The following PPP2R2B variants were observed in gnomAD, a reference collection of about 807,000 sequenced individuals.
PPP2R2B encodes the protein serine/threonine-protein phosphatase 2A 55 kDa regulatory subunit B beta isoform.
In PPP2R2B, 5 loss-of-function variants were observed where a neutral mutation model predicts 46.0. The observed-to-expected ratio is 0.11, with a 90% confidence interval of 0.06 to 0.23. PPP2R2B has a LOEUF of 0.23. Among genes scored for constraint, PPP2R2B ranks in the 10% least tolerant of loss-of-function variants. The pLI, the probability that PPP2R2B is intolerant of heterozygous loss-of-function variation, is 1.00. For synonymous variants in PPP2R2B, 215 were observed against 206.7 expected (o/e 1.04, Z -0.34); for missense variants, 367 against 575.0 (o/e 0.64, Z 3.70).
chr5:146,659,090 T>C (rs1776526606), intron 5 of PPP2R2B, among the ~76,000 whole-genome samples: 1 of 152,260 alleles, frequency 6.6e-6, no homozygotes, highest in African/African-American at 2.4e-5. Flanking sequence ...AATAGATGTT[T>C]GAAGAAGAAA....
At chr5:146,820,302 T>C (rs923653768) in intron 2 of PPP2R2B, among the ~76,000 whole-genome samples, 2 of 152,220 alleles carry the variant, frequency 1.3e-5, no homozygotes, top group Non-Finnish European at 2.9e-5. Flanking sequence ...AACATCACAT[T>C]GTACCCATAT....
chr5:146,827,136 A>T (rs1175879277), intron 2 of PPP2R2B, among the ~76,000 whole-genome samples: 1 of 152,110 alleles, frequency 6.6e-6, no homozygotes. Context: ...GGGACCAAGG[A>T]TATCATAGGG....
intron 5 of PPP2R2B, among the ~76,000 whole-genome samples, chr5:146,660,210 A>C (rs990400374): frequency 6.6e-6 from 1 of 152,176 alleles, no homozygotes; most frequent in Non-Finnish European, 1.5e-5. Context: ...TAACAAACCA[A>C]ATAGAGTATG....
Position 146,774,581 on chromosome 5 carries a change from C to T in PPP2R2B, c.71-73439G>A, listed in dbSNP as rs1755059442. ...CCTATAATCCCAGCACTTTGGGAGG[C>T]CAAGGTGGGCGGATCACCTGAGGTC... On this transcript the variant is annotated intron_variant, in intron 2 of 9. Coordinates refer to ENST00000394411, the MANE Select transcript of PPP2R2B (RefSeq NM_181675.4). 2.0e-5 allele frequency among the ~76,000 whole-genome samples: 3 copies of T among 152,120 alleles called. 1 individual carries two copies. Among genetic ancestry groups the T allele is most frequent in the South Asian group, 2.1e-4 (1 of 4,824 alleles).
intron 1 of PPP2R2B, among the ~76,000 whole-genome samples, chr5:146,935,580 G>A (rs756985788): frequency 6.6e-5 from 10 of 152,134 alleles, no homozygotes; most frequent in Non-Finnish European, 1.0e-4. Context: ...CAATATGTGG[G>A]GATGGTGGTA....
chr5:146,951,848 T>C (rs933344662), intron 1 of PPP2R2B, among the ~76,000 whole-genome samples: 2 of 152,156 alleles, frequency 1.3e-5, no homozygotes, highest in African/African-American at 2.4e-5. Flanking sequence ...TATAATACAA[T>C]GATTTATATA....
chr5:146,619,300 A>G lies in PPP2R2B; in HGVS notation c.791-18840T>C, dbSNP rs147496726. 8.1e-3 allele frequency among the ~76,000 whole-genome samples: 1,140 copies of G among 139,914 alleles called. 19 individuals are homozygous for G. Among genetic ancestry groups the G allele is most frequent in the African/African-American group, 0.032 (1,079 of 33,628 alleles). The allele number at this position is 139,914 out of a possible 152,430, so 91.8% of individuals were successfully genotyped here. ...GCCAACAAGGCAAAACCCCGTCTCT[A>G]CTAAAAAAAAAAAAAAAAAAAATAC... On this transcript the variant is annotated intron_variant, in intron 7 of 9. Transcript: ENST00000394411.
At chr5:146,944,287 T>G (rs1764411814) in intron 1 of PPP2R2B, among the ~76,000 whole-genome samples, 1 of 151,726 alleles carries the variant, frequency 6.6e-6, no homozygotes, top group Admixed American at 6.6e-5. Flanking sequence ...GGGAGTGGGG[T>G]GGGAAACTAT....
At chr5:146,785,117 T>A (rs540379935) in intron 2 of PPP2R2B, among the ~76,000 whole-genome samples, 2 of 152,320 alleles carry the variant, frequency 1.3e-5, no homozygotes, top group East Asian at 3.9e-4. Context: ...ACTCATTGAA[T>A]AAACCCTCAA....
chr5:146,593,080 C>T lies in PPP2R2B; in HGVS notation c.961-18G>A, dbSNP rs376231376. ...TCATGAACCTGGAGAGGAAACATATCGAGAAGGTCAGTTATTATTTTAAAC... is the reference window on the plus strand; with the variant it reads ...TCATGAACCTGGAGAGGAAACATATTGAGAAGGTCAGTTATTATTTTAAAC... On this transcript the variant is annotated intron_variant, in intron 8 of 9. Coordinates refer to ENST00000394411, the MANE Select transcript of PPP2R2B (RefSeq NM_181675.4). 30 of 1,570,812 alleles carry T rather than the reference C, an allele frequency of 1.9e-5. No homozygotes were observed. Among genetic ancestry groups the T allele is most frequent in the East Asian group, 1.6e-4 (7 of 44,658 alleles).
intron 2 of PPP2R2B, among the ~76,000 whole-genome samples, chr5:146,718,872 T>C (rs1780638908): frequency 6.6e-6 from 1 of 152,200 alleles, no homozygotes; most frequent in Admixed American, 6.5e-5. Context: ...TTCTAGGGCT[T>C]GTCAGTCTTT....
chr5:147,068,439 G>C (rs1334960486), intron 2 of PPP2R2B, among the ~76,000 whole-genome samples: 1 of 151,938 alleles, frequency 6.6e-6, no homozygotes, highest in South Asian at 2.1e-4. Context: ...TCAAGTTTCT[G>C]TTAGAAACAC....
chr5:146,818,219 GA>G (rs1223213496), intron 2 of PPP2R2B, among the ~76,000 whole-genome samples: 2 of 152,102 alleles, frequency 1.3e-5, no homozygotes, highest in Admixed American at 6.6e-5. Flanking sequence ...CGAGGGCATG[GA>G]AAGCTGTCTT....
At chr5:146,646,853 A>ATGTG (rs754811556) in intron 6 of PPP2R2B, among the ~76,000 whole-genome samples, 2 of 151,480 alleles carry the variant, frequency 1.3e-5, no homozygotes, top group African/African-American at 2.4e-5. Context: ...GTGCGTGCGT[A>ATGTG]TGTGTGTGTG....
chr5:147,013,350 C>T (rs2151879572), intron 1 of PPP2R2B, among the ~76,000 whole-genome samples: 1 of 96,498 alleles, frequency 1.0e-5, no homozygotes, highest in East Asian at 2.3e-4. Context: ...CATCAAGCTA[C>T]CAATGCCTTT....
At chr5:146,839,397 G>C (rs1561948324) in intron 2 of PPP2R2B, among the ~76,000 whole-genome samples, 5 of 152,152 alleles carry the variant, frequency 3.3e-5, no homozygotes, top group Admixed American at 2.0e-4. Context: ...GCATGTGCCT[G>C]TAATCCCAGC....
intron 2 of PPP2R2B, among the ~76,000 whole-genome samples, chr5:146,746,557 G>C (rs1397085857): frequency 1.3e-5 from 2 of 152,128 alleles, no homozygotes; most frequent in African/African-American, 2.4e-5. Flanking sequence ...GCCTGCAAAA[G>C]GAGAACAGGG....
At chr5:147,062,457 G>C (rs903077838) in intron 2 of PPP2R2B, among the ~76,000 whole-genome samples, 1 of 152,152 alleles carries the variant, frequency 6.6e-6, no homozygotes, top group Non-Finnish European at 1.5e-5. Flanking sequence ...GCTACACCTA[G>C]AATATCTCAT....
chr5:146,696,994 G>C (rs1404828564), intron 4 of PPP2R2B, among the ~76,000 whole-genome samples: 3 of 152,088 alleles, frequency 2.0e-5, no homozygotes, highest in Admixed American at 6.5e-5. Context: ...TTTCCTTCCA[G>C]TCTTTAAAAA....
Sources: gnomAD v4.1 joint callset for allele counts (sites outside exome capture counted in the v4.1 genomes callset) on GRCh38, gnomAD v4.1.1 for gene constraint, MANE v1.5 for transcripts, NCBI Gene and HGNC (gene_info 2026-07-23, HGNC 2026-07-21) for gene names.